VAMP7: variants seen among roughly 807,000 people sequenced by gnomAD.
VAMP7 encodes the protein vesicle associated membrane protein 7.
VAMP7 carries 14 observed loss-of-function variants against 29.6 expected under a neutral mutation model. The observed-to-expected ratio is 0.47, with a 90% CI of 0.31 to 0.74. The LOEUF (loss-of-function observed/expected upper bound fraction) is 0.74, where lower values mean the gene tolerates loss of function less well. Among genes scored for constraint, VAMP7 ranks in the 30% least tolerant of loss-of-function variants. The pLI is 0.05. For synonymous variants in VAMP7, 95 were observed against 88.1 expected (o/e 1.08, Z -0.44); for missense variants, 223 against 262.4 (o/e 0.85, Z 1.04).
intron 2 of VAMP7, among the ~76,000 whole-genome samples, chrX:155,892,758 A>ATTT (rs2065940231): frequency 6.6e-6 from 1 of 150,528 alleles, no homozygotes; most frequent in Non-Finnish European, 1.5e-5. Context: ...TATTATTATT[A>ATTT]TTATTATTAT....
intron 6 of VAMP7, among the ~76,000 whole-genome samples, chrX:155,926,928 A>G (rs1351919707): frequency 6.6e-6 from 1 of 152,192 alleles, no homozygotes; most frequent in African/African-American, 2.4e-5. Context: ...TGGTCAGTGA[A>G]CAGTTAGAAC....
rs947479981 is a variant in VAMP7, at chrX:155,943,560, T to C, written c.*1609T>C. 2.6e-5 allele frequency: 4 copies of C among 152,264 alleles called. No homozygotes were observed. The highest frequency in any genetic ancestry group is 4.8e-5 in the African/African-American group (2 of 41,442). 9.4% of individuals were successfully genotyped at this position (152,264 alleles called of 1,614,324 possible). A position where few individuals can be genotyped will look rare whatever the true frequency, so the allele number is the denominator to read the frequency against. ...AAACATTTGGCATTCCTGAATAATTTCCAAATGTTTTTAATCCAAAGAAAA... is the reference window on the plus strand; with the variant it reads ...AAACATTTGGCATTCCTGAATAATTCCCAAATGTTTTTAATCCAAAGAAAA... On this transcript the variant is annotated 3_prime_UTR_variant, in exon 8 of 8. Coordinates refer to ENST00000286448, the MANE Select transcript of VAMP7 (RefSeq NM_005638.6).
chrX:155,884,752 T>C (rs1221111284), intron 1 of VAMP7, among the ~76,000 whole-genome samples: 3 of 152,350 alleles, frequency 2.0e-5, no homozygotes, highest in East Asian at 1.9e-4. Flanking sequence ...TTCAGTGTTA[T>C]CAAAATACAA....
At chrX:155,900,405 A>G in intron 4 of VAMP7, 92 bp from the exon 5 acceptor site, 1 of 947,432 alleles carries the variant, frequency 1.1e-6, no homozygotes, top group Non-Finnish European at 1.6e-6. Context: ...ATTTTATAGC[A>G]TTCCTCAGTG....
intron 2 of VAMP7, among the ~76,000 whole-genome samples, chrX:155,892,424 A>C (rs56009695): frequency 0.17 from 26,099 of 152,080 alleles, 3,118 homozygotes; most frequent in Non-Finnish European, 0.27. Context: ...AAGATCTGCC[A>C]CTTTTTCCTT....
chrX:155,911,819 A>G (rs2066241654), intron 5 of VAMP7, among the ~76,000 whole-genome samples: 1 of 152,142 alleles, frequency 6.6e-6, no homozygotes, highest in Non-Finnish European at 1.5e-5. Context: ...GTATCCTGCA[A>G]CTTTACTGAA....
At chrX:155,898,492 A>G (rs916834963) in intron 4 of VAMP7, among the ~76,000 whole-genome samples, 2 of 152,044 alleles carry the variant, frequency 1.3e-5, no homozygotes, top group Non-Finnish European at 2.9e-5. Flanking sequence ...GAAGAGCATT[A>G]AAGATCATCT....
chrX:155,901,545 TG>T (rs1447573151), intron 5 of VAMP7, among the ~76,000 whole-genome samples: 1 of 152,148 alleles, frequency 6.6e-6, no homozygotes, highest in Non-Finnish European at 1.5e-5. Flanking sequence ...AATTAATTTT[TG>T]TATAAGGTAT....
chrX:155,922,450 C>T (rs1381589160), intron 6 of VAMP7, among the ~76,000 whole-genome samples: 1 of 151,996 alleles, frequency 6.6e-6, no homozygotes, highest in Non-Finnish European at 1.5e-5. Flanking sequence ...ATGATTTTAT[C>T]AAATGCTTTT....
intron 5 of VAMP7, among the ~76,000 whole-genome samples, chrX:155,914,870 G>T (rs1347869152): frequency 1.3e-5 from 2 of 152,162 alleles, no homozygotes; most frequent in Admixed American, 6.5e-5. Flanking sequence ...GATGATGCTG[G>T]CCTCATAAAA....
chrX:155,922,192 G>A (rs2066406054), intron 6 of VAMP7, among the ~76,000 whole-genome samples: 2 of 151,770 alleles, frequency 1.3e-5, no homozygotes, highest in East Asian at 1.9e-4. Context: ...ACCAGTTCTG[G>A]TTACTGTTTT....
At position 155,942,464 on chromosome X, in the gene VAMP7, AG is replaced by A. The variant is rs1264227205; in HGVS notation, c.*514del. On this transcript the variant is annotated 3_prime_UTR_variant, in exon 8 of 8. Coordinates refer to ENST00000286448, the MANE Select transcript of VAMP7 (RefSeq NM_005638.6). ...GATGTTGGTGCTGCTTCCTTCTAAG[AG>A]CTCAGACAAGTAAAGTATGAAACAT... 1.6e-5 allele frequency: 5 copies of A among 313,438 alleles called. No individual in the cohort carries two copies. Among genetic ancestry groups the A allele is most frequent in the Non-Finnish European group, 1.2e-5 (2 of 169,952 alleles). The allele number at this position is 313,438 out of a possible 1,614,324, so 19.4% of individuals were successfully genotyped here.
At chrX:155,923,400 T>C (rs2066422463) in intron 6 of VAMP7, among the ~76,000 whole-genome samples, 1 of 151,832 alleles carries the variant, frequency 6.6e-6, no homozygotes, top group Non-Finnish European at 1.5e-5. Context: ...AGGTTTGGTA[T>C]GTCTGAGAAG....
Position 155,941,914 on chromosome X carries a change from G to A in VAMP7, c.626G>A (p.Cys209Tyr). 6.2e-7 allele frequency: 1 copy of A among 1,613,742 alleles called. No homozygotes were observed. The highest frequency in any genetic ancestry group is 8.5e-7 in the Non-Finnish European group (1 of 1,179,804). ...VFIYIIVSPLCGGFTWPSCVK... is the reference protein window; with the variant it reads ...VFIYIIVSPLYGGFTWPSCVK... ...ATCTATATCATTGTTTCACCTCTCTGTGGTGGATTTACATGGCCAAGCTGT... is the reference window on the plus strand; with the variant it reads ...ATCTATATCATTGTTTCACCTCTCTATGGTGGATTTACATGGCCAAGCTGT... The change falls in exon 8 of 8, where the codon TGT becomes TAT. Residue 209 changes from cysteine to tyrosine, a missense_variant. Cys to Tyr is a radical substitution (Grantham distance 194). Transcript: ENST00000286448.
chrX:155,907,427 A>G (rs367875099), intron 5 of VAMP7, among the ~76,000 whole-genome samples: 2 of 151,982 alleles, frequency 1.3e-5, no homozygotes, highest in South Asian at 2.1e-4. Context: ...GCGGCCTTCC[A>G]CAGTGTTTGT....
At chrX:155,905,330 C>T (rs372431789) in intron 5 of VAMP7, among the ~76,000 whole-genome samples, 2 of 152,046 alleles carry the variant, frequency 1.3e-5, no homozygotes, top group Non-Finnish European at 2.9e-5. Flanking sequence ...AGACCCTTAT[C>T]AGATACATGA....
At chrX:155,925,664 GA>G in intron 6 of VAMP7, among the ~76,000 whole-genome samples, 1 of 152,338 alleles carries the variant, frequency 6.6e-6, no homozygotes, top group South Asian at 2.1e-4. Context: ...TCGAAGTGGG[GA>G]GGGGGCCTCC....
chrX:155,908,861 AATTC>A (rs1481987854), intron 5 of VAMP7, among the ~76,000 whole-genome samples: 2 of 151,736 alleles, frequency 1.3e-5, no homozygotes, highest in African/African-American at 4.8e-5. Context: ...GATCCTCTCT[AATTC>A]CTCTTTCATT....
chrX:155,912,823 G>A (rs1331970886), intron 5 of VAMP7, among the ~76,000 whole-genome samples: 2 of 152,102 alleles, frequency 1.3e-5, no homozygotes, highest in African/African-American at 2.4e-5. Flanking sequence ...ATAAACATAC[G>A]TGTGCATGTG....
Sources: gnomAD v4.1 joint callset for allele counts (sites outside exome capture counted in the v4.1 genomes callset) on GRCh38, gnomAD v4.1.1 for gene constraint, MANE v1.5 for transcripts, NCBI Gene and HGNC (gene_info 2026-07-23, HGNC 2026-07-21) for gene names.